The following CCNY variants were observed in gnomAD, a reference collection of about 807,000 sequenced individuals.
The protein encoded by CCNY is cyclin-Y.
A neutral mutation model predicts 42.8 loss-of-function variants in CCNY; 19 were observed. That is an observed-to-expected ratio of 0.44 (90% CI 0.31 to 0.65). The LOEUF is 0.65. CCNY is among the 30% of genes least tolerant of loss of function. CCNY has a pLI of 0.07. For missense variants in CCNY, 370 were observed against 437.3 expected (o/e 0.85, Z 1.37); for synonymous variants, 165 against 162.7 (o/e 1.01, Z -0.11).
intron 1 of CCNY, among the ~76,000 whole-genome samples, chr10:35,368,910 G>T (rs1451154280): frequency 4.6e-5 from 7 of 152,172 alleles, no homozygotes; most frequent in African/African-American, 1.7e-4. Flanking sequence ...TAGTGAGCAG[G>T]GTCTCTGTAC....
chr10:35,313,966 A>G (rs1211085729), intron 3 of CCNY, among the ~76,000 whole-genome samples: 1 of 132,320 alleles, frequency 7.6e-6, no homozygotes, highest in Non-Finnish European at 1.6e-5. Flanking sequence ...ATAAAGTGAG[A>G]GTTCATCTCG....
At chr10:35,463,664 G>A (rs946706975) in intron 1 of CCNY, among the ~76,000 whole-genome samples, 5 of 152,194 alleles carry the variant, frequency 3.3e-5, no homozygotes, top group Non-Finnish European at 5.9e-5. Context: ...AAGATTTATG[G>A]AAATTGTTTT....
intron 3 of CCNY, among the ~76,000 whole-genome samples, chr10:35,330,821 T>C (rs1325717101): frequency 6.6e-6 from 1 of 151,384 alleles, no homozygotes; most frequent in Non-Finnish European, 1.5e-5. Context: ...AGTGGCAACA[T>C]CTCAGCTCAC....
rs543459720 is a variant in CCNY, at chr10:35,540,403, T to A, written c.579+10160T>A. On this transcript the variant is annotated intron_variant, in intron 7 of 9. Coordinates refer to ENST00000374704, the MANE Select transcript of CCNY (RefSeq NM_145012.6). Reference sequence around the variant, plus strand: ...GCATTCCGGGATAATTCCCAGTTGGTCACAGTGTATAATTCTTTTTATATG... The same window carrying A: ...GCATTCCGGGATAATTCCCAGTTGGACACAGTGTATAATTCTTTTTATATG... Among the ~76,000 whole-genome samples, 537 of 152,346 alleles carry A rather than the reference T, an allele frequency of 3.5e-3. 3 individuals carry two copies. Among genetic ancestry groups the A allele is most frequent in the African/African-American group, 0.013 (520 of 41,586 alleles).
intron 1 of CCNY, among the ~76,000 whole-genome samples, chr10:35,367,370 T>C (rs1488768927): frequency 6.6e-6 from 1 of 152,180 alleles, no homozygotes; most frequent in African/African-American, 2.4e-5. Context: ...CTCTGTAAAA[T>C]GGGACAGTAA....
At chr10:35,528,698 C>G (rs1840703141) in intron 5 of CCNY, among the ~76,000 whole-genome samples, 1 of 152,164 alleles carries the variant, frequency 6.6e-6, no homozygotes, top group Admixed American at 6.5e-5. Context: ...GCACTCCAGC[C>G]TGGTGACAGA....
At chr10:35,504,435 C>T (rs1840174490) in intron 3 of CCNY, among the ~76,000 whole-genome samples, 1 of 152,116 alleles carries the variant, frequency 6.6e-6, no homozygotes, top group Non-Finnish European at 1.5e-5. Flanking sequence ...CCAAGAGAGA[C>T]TCAGAGGATT....
rs543033475 is a variant in CCNY, at chr10:35,290,645, C to T, written c.-9+40019C>T. Among the ~76,000 whole-genome samples, 3 of 152,132 alleles carry T rather than the reference C, an allele frequency of 2.0e-5. No homozygotes were observed. The South Asian group carries it at 6.2e-4, about 32-fold the overall frequency. On this transcript the variant is annotated intron_variant, in intron 3 of 11. Transcript: ENST00000374706. ...TTAGTATGTTTTCAGAGTTGTCCCA[C>T]CATCATCACATACAATTTTACATTA... is the stretch of plus-strand genomic sequence containing the variant.
intron 1 of CCNY, among the ~76,000 whole-genome samples, chr10:35,396,969 C>T (rs1837539378): frequency 6.6e-6 from 1 of 152,138 alleles, no homozygotes; most frequent in Admixed American, 6.5e-5. Flanking sequence ...GGAGAGAGAT[C>T]AATTTTTCTG....
intron 4 of CCNY, among the ~76,000 whole-genome samples, chr10:35,524,697 G>C (rs1840617293): frequency 2.0e-5 from 3 of 152,144 alleles, no homozygotes; most frequent in Admixed American, 6.5e-5. Flanking sequence ...TTTGAAAGAG[G>C]AAATTTTAAA....
intron 2 of CCNY, 78 bp from the exon 3 acceptor site, chr10:35,501,423 G>C: frequency 8.1e-7 from 1 of 1,229,552 alleles, no homozygotes; most frequent in Non-Finnish European, 1.2e-6. Flanking sequence ...CCACGACACA[G>C]AGGCCCAGTC....
intron 1 of CCNY, among the ~76,000 whole-genome samples, chr10:35,482,179 G>A (rs1839684264): frequency 6.6e-6 from 1 of 152,186 alleles, no homozygotes; most frequent in African/African-American, 2.4e-5. Context: ...ATTAGGTGTT[G>A]CCTCCAGTGT....
At chr10:35,412,363 G>A (rs1837925220) in intron 1 of CCNY, among the ~76,000 whole-genome samples, 1 of 152,138 alleles carries the variant, frequency 6.6e-6, no homozygotes, top group Admixed American at 6.5e-5. Flanking sequence ...TAGAAACCCT[G>A]GAGGAACTCA....
intron 1 of CCNY, among the ~76,000 whole-genome samples, chr10:35,438,280 C>G (rs1838584310): frequency 6.6e-6 from 1 of 151,444 alleles, no homozygotes; most frequent in African/African-American, 2.4e-5. Context: ...TTCCAAGTAG[C>G]TGGGATTATA....
At chr10:35,436,190 T>A (rs931209938) in intron 1 of CCNY, among the ~76,000 whole-genome samples, 3 of 151,964 alleles carry the variant, frequency 2.0e-5, no homozygotes, top group African/African-American at 7.3e-5. Context: ...GGACCCTGAG[T>A]GCCAAGCAGG....
chr10:35,556,710 C>T (rs1313910260), intron 8 of CCNY, among the ~76,000 whole-genome samples: 2 of 152,260 alleles, frequency 1.3e-5, no homozygotes, highest in Admixed American at 6.5e-5. Flanking sequence ...TTCCTGATTA[C>T]GCAGAGGTAC....
At chr10:35,457,805 G>A (rs575297989) in intron 1 of CCNY, among the ~76,000 whole-genome samples, 133 of 152,178 alleles carry the variant, frequency 8.7e-4, no homozygotes, top group African/African-American at 3.0e-3. Flanking sequence ...GGATGGTCTT[G>A]ATCTGACCTC....
chr10:35,385,752 A>G (rs914841130), intron 1 of CCNY, among the ~76,000 whole-genome samples: 5 of 152,216 alleles, frequency 3.3e-5, no homozygotes, highest in African/African-American at 9.6e-5. Flanking sequence ...AGAACCGTCC[A>G]GTCTTGGGGT....
chr10:35,336,663 C>T lies in CCNY; in HGVS notation c.-391C>T, dbSNP rs1412240733. ...CTCTTGCCGAGGCGGCCGCCGTCGC[C>T]GCAGCCGCCGGGGAAGCGGACACCA... On this transcript the variant is annotated 5_prime_UTR_variant, in exon 1 of 10. Coordinates refer to ENST00000374704, the MANE Select transcript of CCNY (RefSeq NM_145012.6). Among the ~76,000 whole-genome samples the T allele has an allele frequency of 2.7e-5, 4 of 147,664 alleles. No individual in the cohort carries two copies. The highest frequency in any genetic ancestry group is 4.5e-5 in the Non-Finnish European group (3 of 66,202).
Sources: allele counts gnomAD v4.1 joint callset (sites outside exome capture counted in the v4.1 genomes callset), GRCh38; gene constraint gnomAD v4.1.1; transcripts MANE v1.5; gene names NCBI Gene and HGNC (gene_info 2026-07-23, HGNC 2026-07-21).